Variants in CAB39 observed in about 807,000 individuals in gnomAD.
CAB39 encodes the protein calcium binding protein 39, also known as calcium-binding protein 39.
Under a neutral mutation model 40.0 loss-of-function variants are expected in CAB39, and 8 were observed. That is an observed-to-expected ratio of 0.20 (90% CI 0.12 to 0.36). The LOEUF (loss-of-function observed/expected upper bound fraction) is 0.36, where lower values mean the gene tolerates loss of function less well. Among genes scored for constraint, CAB39 ranks in the 10% least tolerant of loss-of-function variants. The pLI, the probability that CAB39 is intolerant of heterozygous loss-of-function variation, is 1.00. For synonymous variants in CAB39, 156 were observed against 141.6 expected, an observed-to-expected ratio of 1.10 and a Z score of -0.72; for missense variants, 270 against 401.1, an observed-to-expected ratio of 0.67 and a Z score of 2.79.
At chr2:230,727,008 G>C (rs1372993109) in intron 1 of CAB39, among the ~76,000 whole-genome samples, 1 of 151,432 alleles carries the variant, frequency 6.6e-6, no homozygotes, top group Non-Finnish European at 1.5e-5. Flanking sequence ...TTGAGAAGAG[G>C]AAGGAATAAT....
chr2:230,769,405 A>G (rs948232379), intron 2 of CAB39, among the ~76,000 whole-genome samples: 3 of 152,324 alleles, frequency 2.0e-5, no homozygotes, highest in South Asian at 2.1e-4. Flanking sequence ...CTGTCAACCA[A>G]CTTGACCTGA....
At chr2:230,751,790 T>C (rs1695089632) in intron 1 of CAB39, among the ~76,000 whole-genome samples, 1 of 152,092 alleles carries the variant, frequency 6.6e-6, no homozygotes, top group African/African-American at 2.4e-5. Context: ...TAGACTTCAG[T>C]ACCAAAACCC....
intron 1 of CAB39, among the ~76,000 whole-genome samples, chr2:230,749,461 T>C (rs1283724521): frequency 6.6e-6 from 1 of 152,224 alleles, no homozygotes; most frequent in Non-Finnish European, 1.5e-5. Flanking sequence ...ATATGGACTT[T>C]GTAAATACTT....
At chr2:230,801,842 C>T (rs1428305361) in intron 5 of CAB39, among the ~76,000 whole-genome samples, 1 of 151,108 alleles carries the variant, frequency 6.6e-6, no homozygotes, top group Non-Finnish European at 1.5e-5. Context: ...GCACTCCACC[C>T]TGGGCGACGG....
chr2:230,752,042 CCA>C (rs1553669860), intron 1 of CAB39: 2 of 101,128 alleles, frequency 2.0e-5, no homozygotes, highest in African/African-American at 7.2e-5. Context: ...CCCCCCCCCC[CCA>C]CATACACACC....
intron 2 of CAB39, among the ~76,000 whole-genome samples, chr2:230,762,018 C>T (rs890158507): frequency 3.3e-5 from 5 of 152,184 alleles, no homozygotes; most frequent in Non-Finnish European, 5.9e-5. Flanking sequence ...AGCAGTTCTC[C>T]TGTCCCAGAC....
chr2:230,816,011 C>T (rs983914793), intron 7 of CAB39, among the ~76,000 whole-genome samples: 5 of 152,192 alleles, frequency 3.3e-5, no homozygotes, highest in Non-Finnish European at 7.3e-5. Flanking sequence ...TGGTGGCTCA[C>T]GCCTGTAATC....
intron 1 of CAB39, among the ~76,000 whole-genome samples, chr2:230,745,860 T>G: frequency 6.6e-6 from 1 of 152,006 alleles, no homozygotes; most frequent in Non-Finnish European, 1.5e-5. Context: ...CCCCTGACCT[T>G]GTGATCCGCC....
At chr2:230,722,445 C>T (rs922311271) in intron 1 of CAB39, among the ~76,000 whole-genome samples, 7 of 152,214 alleles carry the variant, frequency 4.6e-5, no homozygotes, top group Non-Finnish European at 1.0e-4. Context: ...GCTTGAGCCA[C>T]CTTGCCCAGC....
intron 5 of CAB39, among the ~76,000 whole-genome samples, chr2:230,808,274 CAG>C (rs752535229): frequency 1.3e-5 from 2 of 151,950 alleles, no homozygotes; most frequent in African/African-American, 2.4e-5. Flanking sequence ...TTAGTAGAGA[CAG>C]GGTTTCACCA....
intron 5 of CAB39, among the ~76,000 whole-genome samples, chr2:230,807,215 C>T (rs895805793): frequency 1.3e-5 from 2 of 152,022 alleles, no homozygotes; most frequent in Non-Finnish European, 2.9e-5. Flanking sequence ...ACACACACCC[C>T]CCTCCCACCC....
At chr2:230,809,274 C>G (rs1696262613) in intron 5 of CAB39, among the ~76,000 whole-genome samples, 1 of 152,194 alleles carries the variant, frequency 6.6e-6, no homozygotes, top group Non-Finnish European at 1.5e-5. Flanking sequence ...TTCTCAGAAC[C>G]AGTGTTTCAT....
Position 230,748,827 on chromosome 2 carries a change from AAAAAATATATATATATAT to A in CAB39, c.-43-11130_-43-11113del, listed in dbSNP as rs1235718830. Among the ~76,000 whole-genome samples the A allele has an allele frequency of 4.6e-4, 26 of 56,480 alleles. 1 individual carries two copies. The highest frequency in any genetic ancestry group is 1.5e-3 in the African/African-American group (25 of 17,136). The allele number at this position is 56,480 out of a possible 152,430, so 37.1% of individuals were successfully genotyped here. On this transcript the variant is annotated intron_variant, in intron 1 of 8. Coordinates refer to ENST00000258418, the MANE Select transcript of CAB39 (RefSeq NM_016289.4). ...ATTTCCAAAAAGAAAAAAAAAAAAA[AAAAAATATATATATATAT>A]ATATATATATATATATATATATAAC...
intron 1 of CAB39, among the ~76,000 whole-genome samples, chr2:230,742,261 G>A (rs1393390546): frequency 2.6e-5 from 4 of 152,056 alleles, no homozygotes; most frequent in African/African-American, 9.7e-5. Flanking sequence ...TGCAAGCTCC[G>A]TCTCCCGGGT....
chr2:230,752,135 A>C (rs1156246365), intron 1 of CAB39: 3 of 145,454 alleles, frequency 2.1e-5, no homozygotes, highest in Non-Finnish European at 3.0e-5. Flanking sequence ...TAAAGTGATG[A>C]TTTTGGTGCT....
Position 230,786,689 on chromosome 2 carries a change from T to C in CAB39, c.115-4183T>C, listed in dbSNP as rs529223479. ...ATCTAACCAGAGAAGCAAAGGAGGC[T>C]GAGGCCTCCTACTTATGGTCACTGG... On this transcript the variant is annotated intron_variant, in intron 2 of 8. Transcript: ENST00000258418. 4.0e-4 allele frequency among the ~76,000 whole-genome samples: 61 copies of C among 152,338 alleles called. No homozygotes were observed. The South Asian group carries it at 8.5e-3, about 21-fold the overall frequency.
chr2:230,783,155 A>G (rs963348436), intron 2 of CAB39, among the ~76,000 whole-genome samples: 3 of 152,086 alleles, frequency 2.0e-5, no homozygotes, highest in African/African-American at 7.2e-5. Flanking sequence ...GTGGAGCACC[A>G]GATGCAGTAG....
At chr2:230,756,785 C>T (rs1046082428) in intron 1 of CAB39, among the ~76,000 whole-genome samples, 7 of 151,880 alleles carry the variant, frequency 4.6e-5, no homozygotes, top group Admixed American at 6.6e-5. Context: ...CTCCCCGTCC[C>T]GGGTTCAAGC....
At chr2:230,727,254 G>C (rs769569709) in intron 1 of CAB39, among the ~76,000 whole-genome samples, 1 of 148,974 alleles carries the variant, frequency 6.7e-6, no homozygotes, top group African/African-American at 2.5e-5. Context: ...AATTGGAAGC[G>C]GGTACCCTTA....
Sources: gnomAD v4.1 joint callset for allele counts (sites outside exome capture counted in the v4.1 genomes callset) on GRCh38, gnomAD v4.1.1 for gene constraint, MANE v1.5 for transcripts, NCBI Gene and HGNC (gene_info 2026-07-23, HGNC 2026-07-21) for gene names.